The following AGPAT3 variants were observed in gnomAD, a reference collection of about 807,000 sequenced individuals.
AGPAT3 encodes 1-acyl-sn-glycerol-3-phosphate acyltransferase gamma.
A neutral mutation model predicts 47.3 loss-of-function variants in AGPAT3; 5 were observed. That is an observed-to-expected ratio of 0.11 (90% CI 0.06 to 0.22). The LOEUF is 0.22. Among genes scored for constraint, AGPAT3 ranks in the 10% least tolerant of loss-of-function variants. The probability of loss-of-function intolerance (pLI) is 1.00; values close to 1 mark genes in which losing one functional copy is unlikely to be tolerated. For missense variants in AGPAT3, 315 were observed against 493.0 expected (o/e 0.64, Z 3.42); for synonymous variants, 212 against 208.3 (o/e 1.02, Z -0.15).
rs2086595151 is a variant in AGPAT3 at position 43,910,032 on chromosome 21, G to C, written c.-49+6013G>C. On this transcript the variant is annotated intron_variant, in intron 2 of 9. Transcript: ENST00000291572. The stretch of plus-strand genomic sequence containing the variant: ...CCTGGGGAAGTGAGGCAGGTGTGTG[G>C]TGTCTTGTTCTTTCCGGGTTAAAAC... Among the ~76,000 whole-genome samples the C allele has an allele frequency of 2.0e-5, 3 of 152,270 alleles. No individual in the cohort carries two copies. The South Asian group carries it at 6.2e-4, about 32-fold the overall frequency.
intron 8 of AGPAT3, among the ~76,000 whole-genome samples, chr21:43,980,250 T>TG (rs1429840014): frequency 7.7e-6 from 1 of 130,102 alleles, no homozygotes; most frequent in Non-Finnish European, 1.5e-5. Context: ...CACTCCAGCC[T>TG]GGGCGACAGA....
At chr21:43,909,435 A>G (rs1167879256) in intron 2 of AGPAT3, among the ~76,000 whole-genome samples, 1 of 151,812 alleles carries the variant, frequency 6.6e-6, no homozygotes, top group East Asian at 1.9e-4. Flanking sequence ...AGCTGGGACT[A>G]CAGGCGCCTG....
At position 43,954,943 on chromosome 21, in the gene AGPAT3, A is replaced by G. The variant is rs1234360500; in HGVS notation, c.-48-4691A>G. On this transcript the variant is annotated intron_variant, in intron 2 of 9. Transcript: ENST00000291572. The surrounding 1 kb of genome is among the most constrained non-coding windows in gnomAD (Gnocchi z 4.0). ...AGCCCAGAGGTTCAGGTGATGGACC[A>G]GAGACTGGCCGCTTTGTGACACCGA... 1.4e-5 allele frequency: 14 copies of G among 982,456 alleles called. No homozygotes were observed. Among genetic ancestry groups the G allele is most frequent in the Non-Finnish European group, 1.8e-5 (14 of 777,204 alleles). The allele number at this position is 982,456 out of a possible 1,614,324, so 60.9% of individuals were successfully genotyped here.
At chr21:43,884,071 T>TAAA (rs2085911844) in intron 1 of AGPAT3, among the ~76,000 whole-genome samples, 1 of 152,134 alleles carries the variant, frequency 6.6e-6, no homozygotes, top group East Asian at 1.9e-4. Flanking sequence ...AATCTGTCTC[T>TAAA]TTAAAGAGGT....
rs546519299 is a variant in AGPAT3, at chr21:43,942,584, T to A, written c.-48-17050T>A. ...GGGGTTCTAGACCAGGAACCCTCTG[T>A]GCTCGGTCCACATGAAAAGAGCAGC... On this transcript the variant is annotated intron_variant, in intron 2 of 9. Transcript: ENST00000291572. Among the ~76,000 whole-genome samples the A allele has an allele frequency of 9.6e-4, 147 of 152,358 alleles. 1 individual carries two copies. Among genetic ancestry groups the A allele is most frequent in the Admixed American group, 2.2e-3 (33 of 15,310 alleles).
chr21:43,875,463 C>A (rs1454908845), intron 1 of AGPAT3, among the ~76,000 whole-genome samples: 2 of 152,184 alleles, frequency 1.3e-5, no homozygotes, highest in Non-Finnish European at 2.9e-5. Flanking sequence ...TTATGCTTTG[C>A]TTTCTCATAC....
chr21:43,892,596 T>G (rs1292129423), intron 1 of AGPAT3, among the ~76,000 whole-genome samples: 8 of 152,222 alleles, frequency 5.3e-5, no homozygotes, highest in African/African-American at 1.9e-4. Flanking sequence ...AAAAGTAGAT[T>G]TAGCATCATT....
intron 2 of AGPAT3, among the ~76,000 whole-genome samples, chr21:43,919,235 C>G (rs1166879150): frequency 6.7e-6 from 1 of 149,022 alleles, no homozygotes; most frequent in Non-Finnish European, 1.5e-5. Context: ...TCTTTAGTGG[C>G]GAATTCTGAG....
At chr21:43,941,794 GA>G (rs1489848311) in intron 2 of AGPAT3, among the ~76,000 whole-genome samples, 1 of 152,280 alleles carries the variant, frequency 6.6e-6, no homozygotes, top group Non-Finnish European at 1.5e-5. Context: ...CCTGGGCGGA[GA>G]AAGGGTATCA....
chr21:43,876,822 A>C (rs141826250), intron 1 of AGPAT3, among the ~76,000 whole-genome samples: 1 of 151,888 alleles, frequency 6.6e-6, no homozygotes, highest in Non-Finnish European at 1.5e-5. Flanking sequence ...AATGCTTTTC[A>C]CCAGTTTTTG....
At position 43,986,947 on chromosome 21, in the gene AGPAT3, C is replaced by T. The variant is rs1383367692; in HGVS notation, c.*4555C>T. ...TGTCGGGGTGAGGGCTGCTAACTTA[C>T]ACTTCAGAGGCCTGTGTCCCAAAGG... On this transcript the variant is annotated 3_prime_UTR_variant, in exon 10 of 10. Coordinates refer to ENST00000291572, the MANE Select transcript of AGPAT3 (RefSeq NM_020132.5). Among the ~76,000 whole-genome samples the T allele has an allele frequency of 2.0e-5, 3 of 152,204 alleles. No individual in the cohort carries two copies. The highest frequency in any genetic ancestry group is 4.4e-5 in the Non-Finnish European group (3 of 68,034).
At chr21:43,964,825 T>G (rs983104369) in intron 3 of AGPAT3, 1 of 152,256 alleles carries the variant, frequency 6.6e-6, no homozygotes, top group Non-Finnish European at 1.5e-5. Flanking sequence ...CTTAGATTTA[T>G]TTCCATGAAT....
rs2029892131 is a variant in AGPAT3, at chr21:43,983,189, G to A, written c.*797G>A. 6.6e-6 allele frequency: 1 copy of A among 152,302 alleles called. No individual in the cohort carries two copies. The highest frequency in any genetic ancestry group is 6.5e-5 in the Admixed American group (1 of 15,290). The allele number at this position is 152,302 out of a possible 1,614,324, so 9.4% of individuals were successfully genotyped here. Reference sequence around the variant, plus strand: ...AGATCCTGGTCCCTCCACACTGGGTGCTGGGGAGGGAGGACCCTCGGGGCT... The same window carrying A: ...AGATCCTGGTCCCTCCACACTGGGTACTGGGGAGGGAGGACCCTCGGGGCT... On this transcript the variant is annotated 3_prime_UTR_variant, in exon 10 of 10. Transcript: ENST00000291572.
chr21:43,955,082 G>C lies in AGPAT3; in HGVS notation c.-48-4552G>C, dbSNP rs922358676. The stretch of plus-strand genomic sequence containing the variant: ...CCCAAAGGCTGGGTGCCAGCTGCCT[G>C]TCGGCAGGGAGCGTATCACCGTGGC... On this transcript the variant is annotated intron_variant, in intron 2 of 9. Coordinates refer to ENST00000291572, the MANE Select transcript of AGPAT3 (RefSeq NM_020132.5). The surrounding 1 kb of genome is among the most constrained non-coding windows in gnomAD (Gnocchi z 4.1). 4 of 1,249,592 alleles carry C rather than the reference G, an allele frequency of 3.2e-6. No homozygotes were observed. The African/African-American group carries it at 6.2e-5, about 19-fold the overall frequency. The allele number at this position is 1,249,592 out of a possible 1,614,324, so 77.4% of individuals were successfully genotyped here.
At chr21:43,979,031 C>T (rs2089733498) in intron 8 of AGPAT3, among the ~76,000 whole-genome samples, 2 of 152,154 alleles carry the variant, frequency 1.3e-5, no homozygotes, top group African/African-American at 4.8e-5. Context: ...GGTGCTGTGG[C>T]TCATGCCTGT....
chr21:43,914,813 A>G (rs1410205459), intron 2 of AGPAT3, among the ~76,000 whole-genome samples: 2 of 152,196 alleles, frequency 1.3e-5, no homozygotes, highest in Non-Finnish European at 2.9e-5. Flanking sequence ...AAGCACTGTT[A>G]TCACAGGCCT....
At chr21:43,885,328 C>A (rs189201018) in intron 1 of AGPAT3, among the ~76,000 whole-genome samples, 1 of 152,140 alleles carries the variant, frequency 6.6e-6, no homozygotes, top group Non-Finnish European at 1.5e-5. Context: ...GTCTCCAGTT[C>A]TTGAACAAAT....
At chr21:43,977,631 A>C (rs557749026) in intron 7 of AGPAT3, among the ~76,000 whole-genome samples, 1 of 152,332 alleles carries the variant, frequency 6.6e-6, no homozygotes, top group Non-Finnish European at 1.5e-5. Flanking sequence ...TAATCCCAGC[A>C]CTTTGGGAGG....
Position 43,920,215 on chromosome 21 carries a change from G to GTT in AGPAT3, c.-49+16197_-49+16198insTT. ...TCATCATGTCTTCAGCCCTGTGTGT[G>GTT]TGTGTGTGAGAGATTGTGAGTGAGT... On this transcript the variant is annotated intron_variant, in intron 2 of 9. Coordinates refer to ENST00000291572, the MANE Select transcript of AGPAT3 (RefSeq NM_020132.5). This position sits in a 1 kb window ranked among gnomAD's most constrained non-coding sequence, Gnocchi z 6.1. 1.4e-5 allele frequency among the ~76,000 whole-genome samples: 1 copy of GTT among 71,204 alleles called. No individual in the cohort carries two copies. The highest frequency in any genetic ancestry group is 3.0e-5 in the Non-Finnish European group (1 of 33,318). 46.7% of individuals were successfully genotyped at this position (71,204 alleles called of 152,430 possible). A position where few individuals can be genotyped will look rare whatever the true frequency, so the allele number is the denominator to read the frequency against.
Sources: allele counts gnomAD v4.1 joint callset (sites outside exome capture counted in the v4.1 genomes callset), GRCh38; gene constraint gnomAD v4.1.1; non-coding constraint Gnocchi (gnomAD v3.1); transcripts MANE v1.5; gene names NCBI Gene and HGNC (gene_info 2026-07-23, HGNC 2026-07-21).